NHSL1: variants seen among roughly 807,000 people sequenced by gnomAD.
NHSL1 encodes NHS-like protein 1.
In NHSL1, 48 loss-of-function variants were observed where a neutral mutation model predicts 95.0. That is an observed-to-expected ratio of 0.51 (90% CI 0.40 to 0.64). NHSL1 has a LOEUF of 0.64. NHSL1 is among the 30% of genes least tolerant of loss of function. NHSL1 has a pLI of 0.00. For missense variants in NHSL1, 1,971 were observed against 2,077.7 expected, an observed-to-expected ratio of 0.95 and a Z score of 1.00; for synonymous variants, 783 against 833.9, an observed-to-expected ratio of 0.94 and a Z score of 1.05.
At chr6:138,558,329 A>G (rs1783275391) in intron 1 of NHSL1, among the ~76,000 whole-genome samples, 1 of 151,388 alleles carries the variant, frequency 6.6e-6, no homozygotes, top group African/African-American at 2.4e-5. Flanking sequence ...TCACCGTGTT[A>G]GCCAGGATGG....
At chr6:138,545,610 G>A (rs745915341) in intron 1 of NHSL1, 9 of 1,288,360 alleles carry the variant, frequency 7.0e-6, no homozygotes, top group Admixed American at 4.6e-5. Context: ...AAATGGACAC[G>A]AAGTCCCCTC....
At chr6:138,596,578 C>T (rs78465820) in intron 1 of NHSL1, among the ~76,000 whole-genome samples, 4,840 of 152,142 alleles carry the variant, frequency 0.032, 230 homozygotes, top group African/African-American at 0.11. Context: ...TTTGTTAAAA[C>T]GCTTAAGATT....
intron 1 of NHSL1, among the ~76,000 whole-genome samples, chr6:138,592,470 C>T (rs776330446): frequency 3.3e-5 from 5 of 152,004 alleles, no homozygotes; most frequent in Non-Finnish European, 7.4e-5. Flanking sequence ...TGGTGGCAGG[C>T]GCCCGTAATC....
chr6:138,540,037 G>C (rs1782519051), intron 1 of NHSL1, among the ~76,000 whole-genome samples: 1 of 152,148 alleles, frequency 6.6e-6, no homozygotes, highest in Admixed American at 6.5e-5. Flanking sequence ...AATTCCAAGG[G>C]CTTTCCCCAC....
At chr6:138,678,884 C>A (rs1785479786) in intron 1 of NHSL1, among the ~76,000 whole-genome samples, 2 of 152,134 alleles carry the variant, frequency 1.3e-5, no homozygotes, top group South Asian at 4.1e-4. Flanking sequence ...TGCAAATTTG[C>A]AAAACAATGT....
At chr6:138,598,433 G>A (rs538906726) in intron 1 of NHSL1, among the ~76,000 whole-genome samples, 212 of 150,260 alleles carry the variant, frequency 1.4e-3, no homozygotes, top group African/African-American at 5.0e-3. Flanking sequence ...ACTCCAGCCT[G>A]GGTGGCAGAG....
chr6:138,436,663 T>C (rs1357035178), intron 5 of NHSL1, among the ~76,000 whole-genome samples: 2 of 152,236 alleles, frequency 1.3e-5, no homozygotes, highest in South Asian at 2.1e-4. Flanking sequence ...AACGACCTTC[T>C]AGTGGAAGAT....
upstream of NHSL1, among the ~76,000 whole-genome samples, chr6:138,546,448 A>AAAAAAAAAAAAAAAAAAAAAAAAAAAAC (rs1562362745): frequency 7.0e-6 from 1 of 142,012 alleles, no homozygotes; most frequent in African/African-American, 3.0e-5. Flanking sequence ...AAAAAAAAAA[A>AAAAAAAAAAAAAAAAAAAAAAAAAAAAC]AAAAAAAAAA....
chr6:138,544,983 CTTTTTTTTTTTTTTTT>C (rs35979187), intron 1 of NHSL1, among the ~76,000 whole-genome samples: 6,894 of 83,942 alleles, frequency 0.082, 556 homozygotes, highest in African/African-American at 0.23. Flanking sequence ...TCTTTCTTTT[CTTTTTTTTTTTTTTTT>C]TTTTTTTTGA....
chr6:138,644,078 T>C (rs1034935801), intron 1 of NHSL1, among the ~76,000 whole-genome samples: 2 of 151,692 alleles, frequency 1.3e-5, no homozygotes, highest in African/African-American at 4.8e-5. Flanking sequence ...TATTTGAGAA[T>C]TGTATCTTTT....
At chr6:138,675,493 T>A (rs1009626592) in intron 1 of NHSL1, among the ~76,000 whole-genome samples, 3 of 152,154 alleles carry the variant, frequency 2.0e-5, no homozygotes, top group African/African-American at 7.2e-5. Context: ...GGTTGTCACC[T>A]ATAATTCATT....
At position 138,424,546 on chromosome 6, in the gene NHSL1, C is replaced by T; in HGVS notation, c.4356G>A (p.Ser1452=). The T allele has an allele frequency of 6.4e-7, 1 of 1,551,682 alleles. No homozygotes were observed. The change falls in exon 8 of 8, where the codon TCG becomes TCA. Residue 1452 remains serine, a synonymous_variant. Transcript: ENST00000343505. The surrounding 1 kb of genome is among the most constrained non-coding windows in gnomAD (Gnocchi z 5.9). ...LKNTDPRFQR[S]RSEPSPDAPE... ...GGGCATCTGGGGAAGGCTCTGACCT[C>T]GACCTCTGGAATCTAGGGTCTGTGT...
intron 1 of NHSL1, among the ~76,000 whole-genome samples, chr6:138,599,054 T>C (rs1179835918): frequency 1.3e-5 from 2 of 152,204 alleles, no homozygotes; most frequent in Admixed American, 6.5e-5. Flanking sequence ...CCAAGTCATC[T>C]AGCTGTAAAA....
intron 1 of NHSL1, among the ~76,000 whole-genome samples, chr6:138,532,408 AG>A (rs1317583599): frequency 6.6e-6 from 1 of 152,166 alleles, no homozygotes; most frequent in African/African-American, 2.4e-5. Context: ...AGTTTGGAGA[AG>A]GGATGCTAGG....
At chr6:138,535,746 T>A (rs556488328) in intron 1 of NHSL1, among the ~76,000 whole-genome samples, 5 of 152,200 alleles carry the variant, frequency 3.3e-5, no homozygotes, top group Non-Finnish European at 5.9e-5. Flanking sequence ...GGTGAAAATG[T>A]GGCAGCTAGA....
At chr6:138,434,112 A>T (rs1478056041) in intron 5 of NHSL1, among the ~76,000 whole-genome samples, 1 of 152,234 alleles carries the variant, frequency 6.6e-6, no homozygotes, top group Non-Finnish European at 1.5e-5. Flanking sequence ...ATTGAACAAT[A>T]GGGCCACAGA....
rs1407985376 is a variant in NHSL1, at chr6:138,432,104, G to A, written c.2241C>T (p.Ser747=). 2 of 1,551,280 alleles carry A rather than the reference G, an allele frequency of 1.3e-6. No homozygotes were observed. Among genetic ancestry groups the A allele is most frequent in the East Asian group, 2.4e-5 (1 of 40,924 alleles). ...CATTGGGGGTGGTGGCGGAAGTCATGCTGCTGCCAGCACTAACTGTGCTCT... is the reference window on the plus strand; with the variant it reads ...CATTGGGGGTGGTGGCGGAAGTCATACTGCTGCCAGCACTAACTGTGCTCT... ...RSQSTVSAGS[S]MTSATTPNVY... Residue 747 remains serine, a synonymous_variant, in exon 6 of 8, where the codon AGC becomes AGT. Coordinates refer to ENST00000343505, the MANE Select transcript of NHSL1 (RefSeq NM_001144060.2). This position sits in a 1 kb window ranked among gnomAD's most constrained non-coding sequence, Gnocchi z 4.4.
In NHSL1 at chr6:138,633,962, G is replaced by A. The variant is rs113742990; in HGVS notation, c.96+58514C>T. ...AAGTTAAGACATAGAGTTTTTATTA[G>A]TTTCATTTTTGCTTGTTTATGCAAA... On this transcript the variant is annotated intron_variant, in intron 1 of 3. Transcript: ENST00000491526. 2.3e-3 allele frequency among the ~76,000 whole-genome samples: 352 copies of A among 152,208 alleles called. 4 individuals carry two copies. The highest frequency in any genetic ancestry group is 7.9e-3 in the African/African-American group (330 of 41,564).
chr6:138,434,052 C>T (rs900113499), intron 5 of NHSL1, among the ~76,000 whole-genome samples: 2 of 152,062 alleles, frequency 1.3e-5, no homozygotes, highest in African/African-American at 4.8e-5. Context: ...ACTGTGCAGA[C>T]CATCTATCAA....
Sources: allele counts gnomAD v4.1 joint callset (sites outside exome capture counted in the v4.1 genomes callset), GRCh38; gene constraint gnomAD v4.1.1; non-coding constraint Gnocchi (gnomAD v3.1); transcripts MANE v1.5; gene names NCBI Gene and HGNC (gene_info 2026-07-23, HGNC 2026-07-21).